The following PYGM variants were observed in gnomAD, a reference collection of about 807,000 sequenced individuals.
PYGM encodes the protein glycogen phosphorylase, muscle form.
A neutral mutation model predicts 99.3 loss-of-function variants in PYGM; 81 were observed. That is an observed-to-expected ratio of 0.82 (90% CI 0.68 to 0.98). The LOEUF (loss-of-function observed/expected upper bound fraction) is 0.98. Ranked by LOEUF, PYGM falls within the 50% of genes least tolerant of loss-of-function variation. The pLI, the probability that PYGM is intolerant of heterozygous loss-of-function variation, is 0.00. For synonymous variants in PYGM, 436 were observed against 451.5 expected, an observed-to-expected ratio of 0.97 and a Z score of 0.44; for missense variants, 1,030 against 1,158.1, an observed-to-expected ratio of 0.89 and a Z score of 1.61.
At position 64,746,910 on chromosome 11, in the gene PYGM, G is replaced by A. The variant is rs897892951; in HGVS notation, c.2379+11C>T. The A allele has an allele frequency of 4.3e-6, 7 of 1,614,084 alleles. No individual in the cohort carries two copies. In the South Asian group the frequency reaches 7.7e-5, roughly 18 times the overall value. The stretch of plus-strand genomic sequence containing the variant: ...CAAAGCCCTGCCAACCCCTGGCCCA[G>A]GACCCCTCACCTTGTACAAGGCGCT... On this transcript the variant is annotated intron_variant, in intron 19 of 19. Transcript: ENST00000164139.
chr11:64,760,642 C>T (rs2058428854), upstream of PYGM, among the ~76,000 whole-genome samples: 1 of 152,252 alleles, frequency 6.6e-6, no homozygotes. Flanking sequence ...AACTGTAGTC[C>T]TATAGGCCCT....
At chr11:64,749,784 G>A (rs910243522) in intron 17 of PYGM, among the ~76,000 whole-genome samples, 3 of 147,082 alleles carry the variant, frequency 2.0e-5, no homozygotes, top group African/African-American at 7.4e-5. Context: ...TGGCTTTCAG[G>A]GAGCAAGGAT....
At chr11:64,757,062 C>A (rs2058398642) in intron 5 of PYGM, among the ~76,000 whole-genome samples, 1 of 152,062 alleles carries the variant, frequency 6.6e-6, no homozygotes, top group Admixed American at 6.6e-5. Context: ...GTAGCTGGGA[C>A]TACAGGCGCA....
Position 64,753,807 on chromosome 11 carries a change from C to T in PYGM, c.1239+72G>A, listed in dbSNP as rs192139668. On this transcript the variant is annotated intron_variant, in intron 10 of 19. Coordinates refer to ENST00000164139, the MANE Select transcript of PYGM (RefSeq NM_005609.4). ...CCAGAGTCTCAGGGCCCTGGCTGGA[C>T]GCCCCGACTCCCAGGCCCAGACTGG... The T allele has an allele frequency of 2.2e-3, 3,454 of 1,546,532 alleles. 71 individuals carry two copies. The African/African-American group carries it at 0.041, about 18-fold the overall frequency.
At position 64,758,441 on chromosome 11, in the gene PYGM, C is replaced by T; in HGVS notation, c.420G>A (p.Leu140=). Residue 140 remains leucine (L), a synonymous_variant, in exon 3 of 20, where the codon CTG becomes CTA. Coordinates refer to ENST00000164139, the MANE Select transcript of PYGM (RefSeq NM_005609.4). ...AGLGNGGLGR[L]AACFLDSMAT... is the part of the protein sequence containing the mutation. The stretch of plus-strand genomic sequence containing the variant: ...CTCACGGCCCTGTCTTCTTACCTGC[C>T]AGCCGGCCCAGGCCCCCGTTGCCCA... 3 of 1,613,898 alleles carry T rather than the reference C, an allele frequency of 1.9e-6. No homozygotes were observed. The highest frequency in any genetic ancestry group is 2.2e-5 in the East Asian group (1 of 44,882).
rs765844107 is a variant in PYGM, at chr11:64,759,691, G to A, written c.208C>T (p.Arg70Cys). The A allele has an allele frequency of 3.9e-5, 63 of 1,614,028 alleles. No individual in the cohort carries two copies. In the African/African-American group the frequency reaches 4.9e-4, roughly 13 times the overall value. The change falls in exon 1 of 20, where the codon CGC (arginine) becomes TGC (cysteine). Residue 70 changes from arginine to cysteine, a missense_variant. Physicochemically the swap from Arg to Cys is radical, Grantham distance 180. Coordinates refer to ENST00000164139, the MANE Select transcript of PYGM (RefSeq NM_005609.4). ...VRDHLVGRWI[R>C]TQQHYYEKDP... Reference sequence around the variant, plus strand: ...TTCTCATAGTAGTGCTGCTGCGTGCGGATCCAGCGCCCCACGAGGTGGTCG... The same window carrying A: ...TTCTCATAGTAGTGCTGCTGCGTGCAGATCCAGCGCCCCACGAGGTGGTCG...
Position 64,754,396 on chromosome 11 carries a change from TG to T in PYGM, c.1000-52del, listed in dbSNP as rs1565536019. On this transcript the variant is annotated intron_variant, in intron 8 of 19. Coordinates refer to ENST00000164139, the MANE Select transcript of PYGM (RefSeq NM_005609.4). The surrounding 1 kb of genome is among the most constrained non-coding windows in gnomAD (Gnocchi z 5.5). ...GGGCTCCAAACCACATTCCATGCTA[TG>T]GTCACTGCCCTATGCCATTTGGAGG... 2 of 1,455,492 alleles carry T rather than the reference TG, an allele frequency of 1.4e-6. No individual in the cohort carries two copies. The highest frequency in any genetic ancestry group is 1.1e-5 in the South Asian group (1 of 87,782). 90.2% of individuals were successfully genotyped at this position (1,455,492 alleles called of 1,614,324 possible).
chr11:64,759,941 A>G lies in PYGM; in HGVS notation c.-43T>C, dbSNP rs1260767585. 6.2e-7 allele frequency: 1 copy of G among 1,607,740 alleles called. No homozygotes were observed. The highest frequency in any genetic ancestry group is 2.2e-5 in the East Asian group (1 of 44,740). ...CCGGACTGGACTGATGGTAGAGGGG[A>G]CGGCGGCCTCAGCACTGCCTCCAGC... On this transcript the variant is annotated 5_prime_UTR_variant, in exon 1 of 20. Transcript: ENST00000164139.
chr11:64,749,466 C>A (rs1382012668), intron 17 of PYGM, among the ~76,000 whole-genome samples: 1 of 151,918 alleles, frequency 6.6e-6, no homozygotes, highest in Non-Finnish European at 1.5e-5. Flanking sequence ...CATGGTGAAA[C>A]CCCGTCTCTA....
Position 64,750,471 on chromosome 11 carries a change from G to A in PYGM, c.2082C>T (p.Asp694=), listed in dbSNP as rs773543072. The A allele has an allele frequency of 1.4e-5, 22 of 1,614,156 alleles. No individual in the cohort carries two copies. Among genetic ancestry groups the A allele is most frequent in the South Asian group, 1.3e-4 (12 of 91,078 alleles). Residue 694 remains aspartate, a synonymous_variant, in exon 17 of 20, where the codon GAC becomes GAT. Coordinates refer to ENST00000164139, the MANE Select transcript of PYGM (RefSeq NM_005609.4). ...CTTCTGCCATCTCCACATTGGCCCCGTCCATGGTGCCAATGGTCAGAGCCC... is the reference window on the plus strand; with the variant it reads ...CTTCTGCCATCTCCACATTGGCCCCATCCATGGTGCCAATGGTCAGAGCCC... ...LNGALTIGTM[D]GANVEMAEEA... is the part of the protein sequence containing the mutation.
At chr11:64,747,488 A>G in intron 17 of PYGM, 130 bp from the exon 18 acceptor site, 1 of 1,244,332 alleles carries the variant, frequency 8.0e-7, no homozygotes, top group Non-Finnish European at 1.1e-6. Context: ...GGGCTGCCAC[A>G]TCGCCCCTGC....
At chr11:64,753,435 C>T in intron 11 of PYGM, 84 bp downstream of exon 11, 7 of 1,483,220 alleles carry the variant, frequency 4.7e-6, no homozygotes, top group Admixed American at 2.0e-5. Context: ...AGAGAGTGGT[C>T]GGTGAAGGGC....
At chr11:64,757,132 A>C (rs1317153900) in intron 5 of PYGM, among the ~76,000 whole-genome samples, 1 of 152,076 alleles carries the variant, frequency 6.6e-6, no homozygotes, top group Non-Finnish European at 1.5e-5. Flanking sequence ...CCTCTTGTCC[A>C]GGCTGGTCTC....
Position 64,750,526 on chromosome 11 carries a change from C to G in PYGM, c.2027G>C (p.Gly676Ala). ...GAGCATGAACTTCATGTTGCCGGTG[C>G]CTGAGGCTTCAGTGCCCGCAGTGGA... is the stretch of plus-strand genomic sequence containing the variant. ...QISTAGTEAS[G>A]TGNMKFMLNG... Residue 676 changes from glycine to alanine, a missense_variant, in exon 17 of 20, where the codon GGC (glycine) becomes GCC (alanine). Transcript: ENST00000164139. The G allele has an allele frequency of 6.2e-7, 1 of 1,614,190 alleles. No individual in the cohort carries two copies. The highest frequency in any genetic ancestry group is 8.5e-7 in the Non-Finnish European group (1 of 1,180,040).
At position 64,753,549 on chromosome 11, in the gene PYGM, C is replaced by A. The variant is rs774752187; in HGVS notation, c.1373G>T (p.Arg458Leu). 1.3e-6 allele frequency: 2 copies of A among 1,597,358 alleles called. No homozygotes were observed. The highest frequency in any genetic ancestry group is 2.2e-5 in the South Asian group (2 of 89,456). Reference protein sequence around the residue: ...AGSHAVNGVARIHSEILKKTI... With the variant: ...AGSHAVNGVALIHSEILKKTI... ...CTTCTTGAGGATCTCGGAGTGGATGCGCGCCACGCCGTTGACGGCGTGCGA... is the reference window on the plus strand; with the variant it reads ...CTTCTTGAGGATCTCGGAGTGGATGAGCGCCACGCCGTTGACGGCGTGCGA... The change falls in exon 11 of 20, where the codon CGC becomes CTC. Residue 458 changes from arginine to leucine, a missense_variant. Physicochemically the swap from Arg to Leu is moderately radical, Grantham distance 102. Coordinates refer to ENST00000164139, the MANE Select transcript of PYGM (RefSeq NM_005609.4).
intron 14 of PYGM, 134 bp downstream of exon 14, chr11:64,751,790 A>G (rs2058358347): frequency 6.6e-7 from 1 of 1,524,958 alleles, no homozygotes; most frequent in Admixed American, 1.8e-5. Context: ...CAGTTTGCCC[A>G]TCTGTGAAAT....
Position 64,750,654 on chromosome 11 carries a change from A to T in PYGM, c.1970-71T>A, listed in dbSNP as rs532168943. The T allele has an allele frequency of 1.5e-4, 227 of 1,471,418 alleles. 1 individual carries two copies. Among genetic ancestry groups the T allele is most frequent in the Middle Eastern group, 1.1e-3 (6 of 5,598 alleles). 91.1% of individuals were successfully genotyped at this position (1,471,418 alleles called of 1,614,324 possible). A position where few individuals can be genotyped will look rare whatever the true frequency, so the allele number is the denominator to read the frequency against. ...CACACCAGCTGGGGACTCTCAGATT[A>T]GGCTGGCCCCAGGCATAGCTGGACT... is the stretch of plus-strand genomic sequence containing the variant. On this transcript the variant is annotated intron_variant, in intron 16 of 19. Coordinates refer to ENST00000164139, the MANE Select transcript of PYGM (RefSeq NM_005609.4).
At chr11:64,749,793 ATT>A (rs71049658) in intron 17 of PYGM, among the ~76,000 whole-genome samples, 37 of 136,320 alleles carry the variant, frequency 2.7e-4, no homozygotes, top group Admixed American at 6.7e-4. Flanking sequence ...GGGAGCAAGG[ATT>A]TTTTTTTTTT....
Position 64,754,755 on chromosome 11 carries a change from T to G in PYGM, c.937A>C (p.Lys313Gln). Residue 313 changes from lysine to glutamine, a missense_variant, in exon 8 of 20, where the codon AAG becomes CAG. Physicochemically the swap from Lys to Gln is moderately conservative, Grantham distance 53 (BLOSUM62 1). Coordinates refer to ENST00000164139, the MANE Select transcript of PYGM (RefSeq NM_005609.4). This position sits in a 1 kb window ranked among gnomAD's most constrained non-coding sequence, Gnocchi z 5.5. Reference sequence around the variant, plus strand: ...TCACGGCAGCCGAACTTGGAAGACTTGAAGCGACGGATGATGTCCTGGAGG... The same window carrying G: ...TCACGGCAGCCGAACTTGGAAGACTGGAAGCGACGGATGATGTCCTGGAGG... ...ATLQDIIRRF[K>Q]SSKFGCRDPV... The G allele has an allele frequency of 6.2e-7, 1 of 1,613,920 alleles. No individual in the cohort carries two copies.
Sources: allele counts gnomAD v4.1 joint callset (sites outside exome capture counted in the v4.1 genomes callset), GRCh38; gene constraint gnomAD v4.1.1; non-coding constraint Gnocchi (gnomAD v3.1); transcripts MANE v1.5; gene names NCBI Gene and HGNC (gene_info 2026-07-23, HGNC 2026-07-21).